Variants in PALM2AKAP2 observed in about 807,000 individuals in gnomAD.
PALM2AKAP2 encodes the protein PALM2-AKAP2 fusion protein.
PALM2AKAP2 carries 37 observed loss-of-function variants against 71.5 expected under a neutral mutation model. The ratio of observed to expected loss-of-function variants is 0.52; its 90% CI spans 0.40 to 0.68. PALM2AKAP2 has a LOEUF of 0.68. PALM2AKAP2 is among the 30% of genes least tolerant of loss of function. The pLI is 0.00. For missense variants in PALM2AKAP2, 1,224 were observed against 1,191.8 expected (o/e 1.03, Z -0.40); for synonymous variants, 468 against 478.8 (o/e 0.98, Z 0.29).
chr9:109,721,921 C>T (rs920793495), intron 1 of PALM2AKAP2, among the ~76,000 whole-genome samples: 5 of 152,202 alleles, frequency 3.3e-5, no homozygotes, highest in African/African-American at 1.2e-4. Context: ...TCTTAAAATG[C>T]TATATGTACA....
chr9:110,056,235 C>T (rs1422432488), intron 1 of PALM2AKAP2, among the ~76,000 whole-genome samples: 1 of 152,230 alleles, frequency 6.6e-6, no homozygotes, highest in East Asian at 1.9e-4. Context: ...CCGTTTTCAG[C>T]CCGCCTCCCA....
intron 1 of PALM2AKAP2, among the ~76,000 whole-genome samples, chr9:109,694,624 T>C (rs117607856): frequency 1.5e-4 from 23 of 152,232 alleles, no homozygotes; most frequent in Admixed American, 2.6e-4. Flanking sequence ...TGTCTATTCA[T>C]ATTATATTAA....
At chr9:109,880,604 C>G (rs766837956) in exon 3 of PALM2AKAP2, 8 of 1,613,540 alleles carry the variant, frequency 5.0e-6, no homozygotes, top group African/African-American at 4.0e-5. Flanking sequence ...CTGGAACTGC[C>G]GAAGAGGAGG....
At chr9:109,808,318 G>T (rs563876672) in intron 1 of PALM2AKAP2, among the ~76,000 whole-genome samples, 2 of 152,186 alleles carry the variant, frequency 1.3e-5, no homozygotes. Flanking sequence ...CCAGGCTGAC[G>T]TGGTCTCAGA....
intron 3 of PALM2AKAP2, among the ~76,000 whole-genome samples, chr9:109,920,088 C>T (rs142442394): frequency 1.7e-3 from 253 of 152,282 alleles, no homozygotes; most frequent in African/African-American, 6.0e-3. Context: ...GCAGCAGCTG[C>T]CCAGATAAGT....
At chr9:109,970,482 G>A (rs933660890) in intron 6 of PALM2AKAP2, among the ~76,000 whole-genome samples, 1 of 152,174 alleles carries the variant, frequency 6.6e-6, no homozygotes. Context: ...GAATCTTCAA[G>A]GGGTTAGGGT....
Position 110,081,038 on chromosome 9 carries a change from A to G in PALM2AKAP2, c.156+32183A>G, listed in dbSNP as rs1834437743. On this transcript the variant is annotated intron_variant, in intron 1 of 3. Transcript: ENST00000374525. ...GAAACCAATGAACTGAAGTTCAATA[A>G]TCTGTGGTTTGTGTTACAATATTTT... Among the ~76,000 whole-genome samples the G allele has an allele frequency of 2.0e-5, 3 of 152,202 alleles. 1 individual carries two copies. Among genetic ancestry groups the G allele is most frequent in the Admixed American group, 2.0e-4 (3 of 15,284 alleles).
At chr9:110,118,841 A>C (rs566041920) in intron 1 of PALM2AKAP2, among the ~76,000 whole-genome samples, 3 of 152,324 alleles carry the variant, frequency 2.0e-5, no homozygotes, top group African/African-American at 7.2e-5. Context: ...ATGAATATGC[A>C]AATATAGATA....
chr9:110,125,778 C>CT (rs35534895), intron 1 of PALM2AKAP2, among the ~76,000 whole-genome samples: 2,840 of 142,200 alleles, frequency 0.02, 75 homozygotes, highest in African/African-American at 0.062. Flanking sequence ...TTCTCTCTCT[C>CT]TTTTTTTTTT....
intron 1 of PALM2AKAP2, among the ~76,000 whole-genome samples, chr9:109,694,025 C>T (rs1236926858): frequency 2.6e-5 from 4 of 151,946 alleles, no homozygotes; most frequent in African/African-American, 9.6e-5. Flanking sequence ...TTTTCTGCTC[C>T]CCCAATCTCC....
chr9:109,712,356 T>C (rs1828255447), intron 1 of PALM2AKAP2, among the ~76,000 whole-genome samples: 1 of 152,210 alleles, frequency 6.6e-6, no homozygotes. Context: ...GATGCTCAAG[T>C]CACGTTTCAA....
intron 6 of PALM2AKAP2, among the ~76,000 whole-genome samples, chr9:110,011,886 A>G (rs748148852): frequency 5.3e-5 from 8 of 152,226 alleles, no homozygotes; most frequent in Middle Eastern, 3.2e-3. Flanking sequence ...ACTCTAGCAC[A>G]AGATACTGGT....
intron 1 of PALM2AKAP2, chr9:109,765,465 C>CACG (rs1347101953): frequency 3.8e-5 from 2 of 52,914 alleles, no homozygotes; most frequent in African/African-American, 2.1e-4. Flanking sequence ...TCATCATGAT[C>CACG]ATGATCATGA....
At chr9:109,757,435 G>C (rs1217389289) in intron 1 of PALM2AKAP2, among the ~76,000 whole-genome samples, 1 of 152,066 alleles carries the variant, frequency 6.6e-6, no homozygotes, top group Non-Finnish European at 1.5e-5. Context: ...GTAACCATCG[G>C]TTTCCACCAC....
chr9:110,095,665 G>T (rs7863709), intron 1 of PALM2AKAP2, among the ~76,000 whole-genome samples: 30,731 of 152,014 alleles, frequency 0.2, 4,367 homozygotes, highest in African/African-American at 0.4. Context: ...GAAGAAGACC[G>T]TTCTAAGCAG....
intron 1 of PALM2AKAP2, among the ~76,000 whole-genome samples, chr9:110,114,531 G>A (rs911253360): frequency 7.9e-5 from 12 of 152,138 alleles, no homozygotes; most frequent in Admixed American, 3.3e-4. Context: ...AGAGTCTCAG[G>A]GAGGAGAAAA....
chr9:110,150,597 G>T (rs1222311807), intron 2 of PALM2AKAP2, among the ~76,000 whole-genome samples: 2 of 152,180 alleles, frequency 1.3e-5, no homozygotes, highest in African/African-American at 4.8e-5. Flanking sequence ...CAACTGCAAA[G>T]TTCTTTTTAC....
At chr9:109,704,218 G>A (rs905834535) in intron 1 of PALM2AKAP2, among the ~76,000 whole-genome samples, 1 of 152,218 alleles carries the variant, frequency 6.6e-6, no homozygotes, top group East Asian at 1.9e-4. Context: ...GGGCAGGTGG[G>A]TTGGTGCTCA....
intron 1 of PALM2AKAP2, among the ~76,000 whole-genome samples, chr9:109,799,464 C>T (rs889726417): frequency 4.6e-5 from 7 of 152,156 alleles, no homozygotes; most frequent in Non-Finnish European, 8.8e-5. Flanking sequence ...AGTGGCTTTC[C>T]ATTATTTCCA....
Sources: allele counts gnomAD v4.1 joint callset (sites outside exome capture counted in the v4.1 genomes callset), GRCh38; gene constraint gnomAD v4.1.1; transcripts MANE v1.5; gene names NCBI Gene and HGNC (gene_info 2026-07-23, HGNC 2026-07-21).